Variants in DGKG observed in about 807,000 individuals in gnomAD.
DGKG encodes the protein DAG kinase gamma.
A neutral mutation model predicts 105.3 loss-of-function variants in DGKG; 78 were observed. The observed-to-expected ratio is 0.74, with a 90% CI of 0.62 to 0.89. DGKG has a LOEUF of 0.89. Ranked by LOEUF, DGKG falls within the 40% of genes least tolerant of loss-of-function variation. DGKG has a pLI of 0.00. For missense variants in DGKG, 958 were observed against 1,020.1 expected, an observed-to-expected ratio of 0.94 and a Z score of 0.83; for synonymous variants, 346 against 367.1, an observed-to-expected ratio of 0.94 and a Z score of 0.66.
At chr3:186,318,783 C>G (rs1211993680) in intron 2 of DGKG, among the ~76,000 whole-genome samples, 6 of 152,178 alleles carry the variant, frequency 3.9e-5, no homozygotes, top group Admixed American at 2.6e-4. Context: ...TTGTGGACTT[C>G]TAGCTCCCAG....
intron 21 of DGKG, among the ~76,000 whole-genome samples, chr3:186,189,337 G>A (rs1717795791): frequency 6.6e-6 from 1 of 152,190 alleles, no homozygotes; most frequent in South Asian, 2.1e-4. Flanking sequence ...CATCTCACAT[G>A]TCTATAAAGT....
intron 17 of DGKG, among the ~76,000 whole-genome samples, chr3:186,253,534 T>C (rs1477270634): frequency 6.6e-6 from 1 of 152,202 alleles, no homozygotes; most frequent in Non-Finnish European, 1.5e-5. Context: ...AATCAGCACT[T>C]ACTCCATTTA....
At chr3:186,302,540 ATATATATATATATATATACACATATG>A (rs61039418) in intron 3 of DGKG, among the ~76,000 whole-genome samples, 675 of 27,376 alleles carry the variant, frequency 0.025, 9 homozygotes, top group African/African-American at 0.074. Context: ...ATACATATGT[ATATATATATATATATATACACATATG>A]TATATATATA....
intron 1 of DGKG, among the ~76,000 whole-genome samples, chr3:186,348,924 C>A (rs957483966): frequency 6.6e-6 from 1 of 152,018 alleles, no homozygotes; most frequent in Non-Finnish European, 1.5e-5. Context: ...CCAGAATATA[C>A]TTTTAATTTT....
In DGKG at chr3:186,345,230, C is replaced by T. The variant is rs183031039; in HGVS notation, c.-249+16716G>A. On this transcript the variant is annotated intron_variant, in intron 1 of 24. Coordinates refer to ENST00000265022, the MANE Select transcript of DGKG (RefSeq NM_001346.3). ...ACTTCTGCTTTAGTTTTTGTGGCAT[C>T]TCCCTGCTATACCTTTTCTCAGTGT... Among the ~76,000 whole-genome samples the T allele has an allele frequency of 2.6e-5, 4 of 152,306 alleles. No homozygotes were observed. The East Asian group carries it at 7.7e-4, about 29-fold the overall frequency.
chr3:186,264,808 G>A (rs1398214509), intron 14 of DGKG, among the ~76,000 whole-genome samples: 3 of 152,026 alleles, frequency 2.0e-5, no homozygotes, highest in Non-Finnish European at 2.9e-5. Flanking sequence ...CTGAACCCAA[G>A]TAAAAAAAAT....
At chr3:186,212,837 T>C (rs1428073109) in intron 20 of DGKG, among the ~76,000 whole-genome samples, 2 of 152,178 alleles carry the variant, frequency 1.3e-5, no homozygotes, top group Non-Finnish European at 2.9e-5. Context: ...TAAGGAAGGA[T>C]TAAACAAAAT....
At chr3:186,187,299 G>A (rs1040533298) in intron 22 of DGKG, among the ~76,000 whole-genome samples, 1 of 152,244 alleles carries the variant, frequency 6.6e-6, no homozygotes, top group Non-Finnish European at 1.5e-5. Flanking sequence ...AGGAATGCAG[G>A]TGGTGAGACG....
chr3:186,198,811 A>G (rs921418450), intron 21 of DGKG, among the ~76,000 whole-genome samples: 1 of 152,252 alleles, frequency 6.6e-6, no homozygotes, highest in African/African-American at 2.4e-5. Flanking sequence ...AGTCAAAGAA[A>G]AACAGGGCAA....
chr3:186,245,449 C>A (rs1216325345), intron 19 of DGKG, among the ~76,000 whole-genome samples: 1 of 152,200 alleles, frequency 6.6e-6, no homozygotes, highest in African/African-American at 2.4e-5. Context: ...ATGACCTGAG[C>A]ATATTTACAA....
intron 21 of DGKG, among the ~76,000 whole-genome samples, chr3:186,199,230 T>C (rs1718329444): frequency 6.6e-6 from 1 of 151,836 alleles, no homozygotes; most frequent in Admixed American, 6.5e-5. Context: ...ATTACAGGCA[T>C]GAGCCACCAC....
chr3:186,171,604 A>G (rs1281319165), intron 22 of DGKG, among the ~76,000 whole-genome samples: 4 of 152,224 alleles, frequency 2.6e-5, no homozygotes, highest in African/African-American at 9.6e-5. Context: ...ACAAGAAAAA[A>G]TGTCTACATG....
At chr3:186,344,132 T>A (rs941663907) in intron 1 of DGKG, among the ~76,000 whole-genome samples, 1 of 152,222 alleles carries the variant, frequency 6.6e-6, no homozygotes, top group African/African-American at 2.4e-5. Flanking sequence ...TAAACACTGT[T>A]GTTGGGAGTG....
chr3:186,161,487 A>G, intron 24 of DGKG, 116 bp downstream of exon 24: 7 of 1,528,952 alleles, frequency 4.6e-6, no homozygotes, highest in Non-Finnish European at 6.1e-6. Flanking sequence ...GTTGCACTAG[A>G]TAATCTTCCA....
intron 20 of DGKG, among the ~76,000 whole-genome samples, chr3:186,212,477 T>C (rs754864658): frequency 2.0e-5 from 3 of 152,128 alleles, no homozygotes; most frequent in Non-Finnish European, 4.4e-5. Flanking sequence ...TTGGTAGCAA[T>C]AATCACCTCC....
chr3:186,260,434 C>T lies in DGKG; in HGVS notation c.1424+5G>A, dbSNP rs1721711270. 1.2e-6 allele frequency: 2 copies of T among 1,603,636 alleles called. No individual in the cohort carries two copies. The highest frequency in any genetic ancestry group is 1.3e-5 in the African/African-American group (1 of 74,782). On this transcript the variant is annotated splice_donor_5th_base_variant and intron_variant, in intron 16 of 24. Coordinates refer to ENST00000265022, the MANE Select transcript of DGKG (RefSeq NM_001346.3). The stretch of plus-strand genomic sequence containing the variant: ...AATAAGAGGTAAAGATTGTGATCTC[C>T]ATACCCTGGAGTAGGCCCCCCATTG...
intron 4 of DGKG, among the ~76,000 whole-genome samples, chr3:186,297,758 GGAC>G (rs1205626728): frequency 6.6e-6 from 1 of 152,128 alleles, no homozygotes; most frequent in Non-Finnish European, 1.5e-5. Flanking sequence ...CTCCATCCGT[GGAC>G]CGTCAGCCTT....
chr3:186,262,523 G>A (rs777627262), intron 14 of DGKG, among the ~76,000 whole-genome samples: 2 of 152,090 alleles, frequency 1.3e-5, no homozygotes, highest in Non-Finnish European at 2.9e-5. Context: ...TCCTTCCCAG[G>A]ACACCAGGTC....
chr3:186,314,173 GCACACACACA>G (rs3221277), intron 2 of DGKG, among the ~76,000 whole-genome samples: 17,611 of 139,444 alleles, frequency 0.13, 1,080 homozygotes, highest in Non-Finnish European at 0.14. Flanking sequence ...ATACATATCT[GCACACACACA>G]CACACACACA....
Sources: allele counts gnomAD v4.1 joint callset (sites outside exome capture counted in the v4.1 genomes callset), GRCh38; gene constraint gnomAD v4.1.1; transcripts MANE v1.5; gene names NCBI Gene and HGNC (gene_info 2026-07-23, HGNC 2026-07-21).